The following TMEM19 variants were observed in gnomAD, a reference collection of about 807,000 sequenced individuals.
TMEM19 encodes the protein transmembrane protein 19.
TMEM19 carries 21 observed loss-of-function variants against 33.6 expected under a neutral mutation model. That is an observed-to-expected ratio of 0.62 (90% CI 0.44 to 0.90). TMEM19 has a LOEUF of 0.90. Among genes scored for constraint, TMEM19 ranks in the 40% least tolerant of loss-of-function variants. The pLI, the probability that TMEM19 is intolerant of heterozygous loss-of-function variation, is 0.00. For missense variants in TMEM19, 402 were observed against 401.8 expected, an observed-to-expected ratio of 1.00 and a Z score of 0.00; for synonymous variants, 149 against 147.5, an observed-to-expected ratio of 1.01 and a Z score of -0.07.
At chr12:71,693,179 A>C (rs1396441276) in intron 2 of TMEM19, among the ~76,000 whole-genome samples, 2 of 151,390 alleles carry the variant, frequency 1.3e-5, no homozygotes, top group African/African-American at 4.8e-5. Flanking sequence ...TGGGTGACAG[A>C]GCGAGACCCT....
chr12:71,687,626 G>A (rs960512217), intron 1 of TMEM19, among the ~76,000 whole-genome samples: 4 of 151,992 alleles, frequency 2.6e-5, no homozygotes, highest in Non-Finnish European at 5.9e-5. Context: ...AATTAAAAAC[G>A]GTATACTATT....
chr12:71,692,692 G>T (rs1881804617), intron 2 of TMEM19, among the ~76,000 whole-genome samples: 1 of 152,094 alleles, frequency 6.6e-6, no homozygotes, highest in Non-Finnish European at 1.5e-5. Flanking sequence ...CATGCCACTT[G>T]ATCTGCTTGA....
At position 71,693,977 on chromosome 12, in the gene TMEM19, A is replaced by G. The variant is rs554981493; in HGVS notation, c.245-2459A>G. Among the ~76,000 whole-genome samples the G allele has an allele frequency of 5.3e-5, 8 of 152,310 alleles. No individual in the cohort carries two copies. In the South Asian group the frequency reaches 8.3e-4, roughly 16 times the overall value. On this transcript the variant is annotated intron_variant, in intron 2 of 5. Transcript: ENST00000266673. ...TTTTCTTTATAAATTACCCAGTTTCAGGTTTGTTTTTATTAGCAGCGTGAC... is the reference window on the plus strand; with the variant it reads ...TTTTCTTTATAAATTACCCAGTTTCGGGTTTGTTTTTATTAGCAGCGTGAC...
At position 71,702,444 on chromosome 12, in the gene TMEM19, T is replaced by C. The variant is rs1431773545; in HGVS notation, c.*1449T>C. On this transcript the variant is annotated 3_prime_UTR_variant, in exon 6 of 6. Coordinates refer to ENST00000266673, the MANE Select transcript of TMEM19 (RefSeq NM_018279.4). ...GATTCTCATGCCTCAGCCTCCCAAG[T>C]AGCTGGGATCACAGGCGTGCACCAT... The C allele has an allele frequency of 6.6e-6, 1 of 152,336 alleles. No homozygotes were observed. The highest frequency in any genetic ancestry group is 1.5e-5 in the Non-Finnish European group (1 of 68,178). 9.4% of individuals were successfully genotyped at this position (152,336 alleles called of 1,614,324 possible). A position where few individuals can be genotyped will look rare whatever the true frequency, so the allele number is the denominator to read the frequency against.
At chr12:71,689,742 G>A in intron 2 of TMEM19, 38 bp downstream of exon 2, 1 of 1,364,188 alleles carries the variant, frequency 7.3e-7, no homozygotes, top group Non-Finnish European at 1.0e-6. Context: ...TAACTACTAA[G>A]TGCTTGCTTA....
At chr12:71,694,694 C>T (rs1343044305) in intron 2 of TMEM19, among the ~76,000 whole-genome samples, 1 of 152,210 alleles carries the variant, frequency 6.6e-6, no homozygotes, top group Non-Finnish European at 1.5e-5. Flanking sequence ...AAAGGTTCCC[C>T]TCCCTTGGAC....
rs905694292 is a variant in TMEM19 at position 71,698,959 on chromosome 12, G to T, written c.697G>T (p.Val233Leu). 1.2e-6 allele frequency: 2 copies of T among 1,614,140 alleles called. No individual in the cohort carries two copies. The highest frequency in any genetic ancestry group is 1.7e-6 in the Non-Finnish European group (2 of 1,180,040). ...CTCCAGTCTCCTTGGTGGTACCTTT[G>T]TGGGCATTGCATACTTCCTCACACA... Reference protein sequence around the residue: ...LVSSLLGGTFVGIAYFLTQLI... With the variant: ...LVSSLLGGTFLGIAYFLTQLI... Residue 233 changes from valine to leucine, a missense_variant, in exon 5 of 6, where the codon GTG (valine) becomes TTG (leucine). Coordinates refer to ENST00000266673, the MANE Select transcript of TMEM19 (RefSeq NM_018279.4).
At chr12:71,700,761 AAAAAG>A (rs1881962830) in intron 5 of TMEM19, 66 bp from the exon 6 acceptor site, 28 of 1,422,026 alleles carry the variant, frequency 2.0e-5, no homozygotes, top group Non-Finnish European at 2.2e-5. Flanking sequence ...AAAAAAAAAA[AAAAAG>A]AAAGAAAAGA....
At chr12:71,691,154 G>C (rs1881778705) in intron 2 of TMEM19, among the ~76,000 whole-genome samples, 1 of 152,144 alleles carries the variant, frequency 6.6e-6, no homozygotes, top group African/African-American at 2.4e-5. Flanking sequence ...TTATTAGGCA[G>C]AGTTCTTCAA....
rs981156779 is a variant in TMEM19 at position 71,686,412 on chromosome 12, C to G, written c.-269C>G. On this transcript the variant is annotated 5_prime_UTR_variant, in exon 1 of 6. Transcript: ENST00000266673. ...CTCCGGCGTGAGGCGCTGAAGCGGC[C>G]GGCAGCCGGCGACCGGCCCTCACCG... is the stretch of plus-strand genomic sequence containing the variant. 2 of 327,244 alleles carry G rather than the reference C, an allele frequency of 6.1e-6. No homozygotes were observed. Among genetic ancestry groups the G allele is most frequent in the Non-Finnish European group, 1.1e-5 (2 of 179,258 alleles). 20.3% of individuals were successfully genotyped at this position (327,244 alleles called of 1,614,324 possible).
rs1881752165 is a variant in TMEM19, at chr12:71,689,692, G to A, written c.232G>A (p.Gly78Arg). 1 of 1,610,944 alleles carries A rather than the reference G, an allele frequency of 6.2e-7. No individual in the cohort carries two copies. The highest frequency in any genetic ancestry group is 1.1e-5 in the South Asian group (1 of 90,948). ...TAAAAAGAAAAGTCTAGATCACAGT[G>A]GGGCTCTAGGAGGTATGTTTTTATT... ...GLKKKSLDHS[G>R]ALGGLVVGFI... is the part of the protein sequence containing the mutation. Residue 78 changes from glycine (G) to arginine (R), a missense_variant, in exon 2 of 6, where the codon GGG becomes AGG. Transcript: ENST00000266673.
intron 1 of TMEM19, 55 bp downstream of exon 1, chr12:71,686,865 A>G: frequency 6.5e-7 from 1 of 1,531,672 alleles, no homozygotes; most frequent in Non-Finnish European, 8.7e-7. Flanking sequence ...GGAAATTAAA[A>G]CCATACCATT....
chr12:71,689,774 C>T lies in TMEM19; in HGVS notation c.244+70C>T, dbSNP rs1719152488. The T allele has an allele frequency of 1.6e-5, 18 of 1,091,654 alleles. No individual in the cohort carries two copies. The South Asian group carries it at 2.6e-4, about 16-fold the overall frequency. 67.6% of individuals were successfully genotyped at this position (1,091,654 alleles called of 1,614,324 possible). Reference sequence around the variant, plus strand: ...CTTATATAATTTAAATTTATGTTTTCTAAATTCTGAATATATGAGACTGAC... The same window carrying T: ...CTTATATAATTTAAATTTATGTTTTTTAAATTCTGAATATATGAGACTGAC... On this transcript the variant is annotated intron_variant, in intron 2 of 5. Transcript: ENST00000266673.
chr12:71,688,825 A>T (rs1016902280), intron 1 of TMEM19, among the ~76,000 whole-genome samples: 2 of 152,336 alleles, frequency 1.3e-5, no homozygotes, highest in East Asian at 1.9e-4. Context: ...CTAGCCAAAC[A>T]TCTGTGAGCT....
chr12:71,688,472 T>A lies in TMEM19; in HGVS notation c.131-1119T>A, dbSNP rs528898512. Among the ~76,000 whole-genome samples, 3 of 152,312 alleles carry A rather than the reference T, an allele frequency of 2.0e-5. No homozygotes were observed. In the East Asian group the frequency reaches 5.8e-4, roughly 29 times the overall value. On this transcript the variant is annotated intron_variant, in intron 1 of 5. Coordinates refer to ENST00000266673, the MANE Select transcript of TMEM19 (RefSeq NM_018279.4). ...TCTCGAACTCCTGACCTCAGGATCC[T>A]CCTGCCTTGGCCTCCCAAAGTGCTG...
rs764296039 is a variant in TMEM19 at position 71,689,651 on chromosome 12, T to A, written c.191T>A (p.Ile64Asn). ...WLFSVVVPVL[I>N]VSNGLKKKSL... ...TTTTCTGTTGTTGTTCCTGTTCTGA[T>A]CGTCTCTAATGGCCTTAAAAAGAAA... Residue 64 changes from isoleucine (I) to asparagine (N), a missense_variant, in exon 2 of 6, where the codon ATC becomes AAC. Physicochemically the swap from Ile to Asn is moderately radical, Grantham distance 149. Transcript: ENST00000266673. The A allele has an allele frequency of 6.2e-7, 1 of 1,614,082 alleles. No individual in the cohort carries two copies. The highest frequency in any genetic ancestry group is 1.3e-5 in the African/African-American group (1 of 74,942).
At position 71,686,267 on chromosome 12, in the gene TMEM19, C is replaced by T. The variant is rs1479468733; in HGVS notation, c.-414C>T. The T allele has an allele frequency of 8.7e-6, 2 of 229,540 alleles. No individual in the cohort carries two copies. Among genetic ancestry groups the T allele is most frequent in the Non-Finnish European group, 1.7e-5 (2 of 116,058 alleles). 14.2% of individuals were successfully genotyped at this position (229,540 alleles called of 1,614,324 possible). A position where few individuals can be genotyped will look rare whatever the true frequency, so the allele number is the denominator to read the frequency against. The stretch of plus-strand genomic sequence containing the variant: ...GCCCAAGTTCGGGTGCCCTAGCTGC[C>T]CCTTTGCAGCCGCTGGCCTACCCGG... On this transcript the variant is annotated 5_prime_UTR_variant, in exon 1 of 6. Coordinates refer to ENST00000266673, the MANE Select transcript of TMEM19 (RefSeq NM_018279.4).
At position 71,686,740 on chromosome 12, in the gene TMEM19, T is replaced by C; in HGVS notation, c.60T>C (p.Val20=). The C allele has an allele frequency of 6.2e-7, 1 of 1,612,950 alleles. No individual in the cohort carries two copies. The highest frequency in any genetic ancestry group is 8.5e-7 in the Non-Finnish European group (1 of 1,179,586). ...ATATAAAGATGATAACTAATATAGT[T>C]ATACTGAGCCTGATCATTTGCATTT... The part of the protein sequence containing the change: ...KRYIKMITNI[V]ILSLIICISL... The change falls in exon 1 of 6, where the codon GTT becomes GTC. Residue 20 remains valine, a synonymous_variant. Coordinates refer to ENST00000266673, the MANE Select transcript of TMEM19 (RefSeq NM_018279.4).
Position 71,704,185 on chromosome 12 carries a change from A to G in TMEM19, c.*3190A>G, listed in dbSNP as rs1450477015. 2.8e-5 allele frequency: 6 copies of G among 212,730 alleles called. No individual in the cohort carries two copies. Among genetic ancestry groups the G allele is most frequent in the African/African-American group, 1.4e-4 (6 of 43,442 alleles). The allele number at this position is 212,730 out of a possible 1,614,324, so 13.2% of individuals were successfully genotyped here. A position where few individuals can be genotyped will look rare whatever the true frequency, so the allele number is the denominator to read the frequency against. ...AAACTCATTAAATGGAGCCACCAAG[A>G]GACCAAAGAATTGATACAGCAGGTC... On this transcript the variant is annotated 3_prime_UTR_variant, in exon 6 of 6. Transcript: ENST00000266673.
Sources: allele counts gnomAD v4.1 joint callset (sites outside exome capture counted in the v4.1 genomes callset), GRCh38; gene constraint gnomAD v4.1.1; transcripts MANE v1.5; gene names NCBI Gene and HGNC (gene_info 2026-07-23, HGNC 2026-07-21).